The following PTPRK variants were observed in gnomAD, a reference collection of about 807,000 sequenced individuals.
The protein encoded by PTPRK is receptor-type tyrosine-protein phosphatase kappa.
A neutral mutation model predicts 178.0 loss-of-function variants in PTPRK; 75 were observed. That is an observed-to-expected ratio of 0.42 (90% CI 0.35 to 0.51). The LOEUF is 0.51. Among genes scored for constraint, PTPRK ranks in the 20% least tolerant of loss-of-function variants. The pLI, the probability that PTPRK is intolerant of heterozygous loss-of-function variation, is 0.02. For synonymous variants in PTPRK, 637 were observed against 620.6 expected (o/e 1.03, Z -0.39); for missense variants, 1,441 against 1,797.8 (o/e 0.80, Z 3.59).
intron 5 of PTPRK, among the ~76,000 whole-genome samples, chr6:128,230,491 C>A (rs140957660): frequency 4.6e-5 from 7 of 152,290 alleles, no homozygotes; most frequent in Admixed American, 3.3e-4. Flanking sequence ...TCTGGGATGG[C>A]TGGCAAGCTC....
At chr6:127,970,371 T>C in intron 29 of PTPRK, 91 bp from the exon 30 acceptor site, 1 of 963,750 alleles carries the variant, frequency 1.0e-6, no homozygotes, top group Non-Finnish European at 1.6e-6. Flanking sequence ...ACAACCAATT[T>C]AGATTACTCA....
chr6:128,126,914 GA>G (rs1793472171), intron 7 of PTPRK, among the ~76,000 whole-genome samples: 1 of 152,038 alleles, frequency 6.6e-6, no homozygotes, highest in Non-Finnish European at 1.5e-5. Context: ...AGCAATAAAT[GA>G]AAATTCCTGT....
chr6:128,301,111 G>C (rs1825537589), intron 3 of PTPRK, among the ~76,000 whole-genome samples: 3 of 152,128 alleles, frequency 2.0e-5, no homozygotes, highest in African/African-American at 7.2e-5. Flanking sequence ...GCATGAAGAA[G>C]ACACTTGAAA....
chr6:128,097,810 C>T (rs1370250759), intron 7 of PTPRK, among the ~76,000 whole-genome samples: 1 of 152,076 alleles, frequency 6.6e-6, no homozygotes, highest in Non-Finnish European at 1.5e-5. Context: ...TAATCTACTT[C>T]TGTAGGATCA....
chr6:128,232,857 C>A (rs1037261015), intron 5 of PTPRK, among the ~76,000 whole-genome samples: 1 of 152,178 alleles, frequency 6.6e-6, no homozygotes, highest in Non-Finnish European at 1.5e-5. Context: ...ACTTTGACCA[C>A]GTCCAGACAT....
chr6:128,049,340 C>T (rs980290143), intron 13 of PTPRK, among the ~76,000 whole-genome samples: 8 of 152,116 alleles, frequency 5.3e-5, no homozygotes, highest in Admixed American at 2.0e-4. Flanking sequence ...AAACAGATTA[C>T]AATACTTGCA....
chr6:128,478,616 G>A (rs185209438), intron 1 of PTPRK, among the ~76,000 whole-genome samples: 53 of 152,184 alleles, frequency 3.5e-4, no homozygotes, highest in African/African-American at 1.1e-3. Context: ...GTGAGTTTTG[G>A]GGGTTTTCTG....
At chr6:128,432,596 A>C (rs1169898585) in intron 1 of PTPRK, among the ~76,000 whole-genome samples, 3 of 152,192 alleles carry the variant, frequency 2.0e-5, no homozygotes, top group Non-Finnish European at 4.4e-5. Context: ...TCCCAAGATA[A>C]AACTATTTTA....
intron 10 of PTPRK, among the ~76,000 whole-genome samples, chr6:128,080,798 C>T (rs1784684091): frequency 6.6e-6 from 1 of 151,832 alleles, no homozygotes; most frequent in South Asian, 2.1e-4. Context: ...ACCACACTAA[C>T]CATAAATTTA....
intron 17 of PTPRK, 118 bp from the exon 18 acceptor site, chr6:127,995,656 T>C: frequency 5.2e-6 from 3 of 580,230 alleles, no homozygotes; most frequent in Non-Finnish European, 9.1e-6. Context: ...AGTATACTAC[T>C]ACCAAATCAG....
chr6:128,274,057 A>C (rs1221699686), intron 3 of PTPRK, among the ~76,000 whole-genome samples: 2 of 152,102 alleles, frequency 1.3e-5, no homozygotes, highest in Non-Finnish European at 2.9e-5. Context: ...CTAAAGGATC[A>C]AGACTCTGTT....
At chr6:128,512,125 GC>G (rs1857280901) in intron 1 of PTPRK, among the ~76,000 whole-genome samples, 1 of 152,168 alleles carries the variant, frequency 6.6e-6, no homozygotes, top group Admixed American at 6.5e-5. Context: ...ATACGAAAGT[GC>G]CCTCTCAGAG....
In PTPRK at chr6:128,519,178, G is replaced by T. The variant is rs1025183269; in HGVS notation, c.100+1081C>A. On this transcript the variant is annotated intron_variant, in intron 1 of 29. Transcript: ENST00000368226. The surrounding 1 kb of genome is among the most constrained non-coding windows in gnomAD (Gnocchi z 4.3). ...GGCCAGAAAAGTTGTCAGGACTGGC[G>T]GGAGGTAGACAAGTGCTCGGGAGCC... is the stretch of plus-strand genomic sequence containing the variant. 2 of 472,670 alleles carry T rather than the reference G, an allele frequency of 4.2e-6. No homozygotes were observed. The highest frequency in any genetic ancestry group is 4.0e-5 in the African/African-American group (2 of 50,106). The allele number at this position is 472,670 out of a possible 1,614,324, so 29.3% of individuals were successfully genotyped here.
intron 2 of PTPRK, among the ~76,000 whole-genome samples, chr6:128,357,931 T>G (rs1584339696): frequency 1.3e-5 from 2 of 152,192 alleles, no homozygotes; most frequent in African/African-American, 4.8e-5. Flanking sequence ...ATTACATCAT[T>G]CAGTCACCCG....
chr6:128,092,231 A>T (rs991885824), intron 7 of PTPRK, among the ~76,000 whole-genome samples: 1 of 152,176 alleles, frequency 6.6e-6, no homozygotes, highest in Non-Finnish European at 1.5e-5. Flanking sequence ...TGTTATTTGA[A>T]ATTGACATTT....
intron 1 of PTPRK, among the ~76,000 whole-genome samples, chr6:128,464,913 C>T (rs1416109072): frequency 6.6e-6 from 1 of 150,426 alleles, no homozygotes; most frequent in African/African-American, 2.4e-5. Flanking sequence ...GTCACAAAGG[C>T]TATGGATGGA....
intron 1 of PTPRK, among the ~76,000 whole-genome samples, chr6:128,459,541 C>T (rs113351597): frequency 0.024 from 3,625 of 152,234 alleles, 79 homozygotes; most frequent in African/African-American, 0.059. Flanking sequence ...GTCATTTGAA[C>T]CAGTGAAACA....
intron 6 of PTPRK, among the ~76,000 whole-genome samples, chr6:128,202,467 C>T (rs534470062): frequency 5.9e-5 from 9 of 152,232 alleles, no homozygotes; most frequent in East Asian, 1.9e-4. Flanking sequence ...ACTCTGGACC[C>T]GGGATTCCCA....
At chr6:128,093,609 A>C (rs1410740158) in intron 7 of PTPRK, among the ~76,000 whole-genome samples, 3 of 147,700 alleles carry the variant, frequency 2.0e-5, no homozygotes, top group Non-Finnish European at 4.5e-5. Flanking sequence ...AAAAAAAAAA[A>C]AAAAAAAAAA....
Sources: gnomAD v4.1 joint callset for allele counts (sites outside exome capture counted in the v4.1 genomes callset) on GRCh38, gnomAD v4.1.1 for gene constraint, Gnocchi (gnomAD v3.1) non-coding constraint, MANE v1.5 for transcripts, NCBI Gene and HGNC (gene_info 2026-07-23, HGNC 2026-07-21) for gene names.